Variants in NT5DC3 observed in about 807,000 individuals in gnomAD.
The protein encoded by NT5DC3 is 5'-nucleotidase domain-containing protein 3.
A neutral mutation model predicts 67.8 loss-of-function variants in NT5DC3; 42 were observed. That is an observed-to-expected ratio of 0.62 (90% CI 0.48 to 0.80). The LOEUF (loss-of-function observed/expected upper bound fraction) is 0.80. Ranked by LOEUF, NT5DC3 falls within the 30% of genes least tolerant of loss-of-function variation. NT5DC3 has a pLI of 0.00. For synonymous variants in NT5DC3, 237 were observed against 255.6 expected (o/e 0.93, Z 0.69); for missense variants, 570 against 696.4 (o/e 0.82, Z 2.04).
chr12:103,748,196 C>T, the NT5DC3 span, among the ~76,000 whole-genome samples: 4 of 152,178 alleles, frequency 2.6e-5, no homozygotes, highest in African/African-American at 9.7e-5. Flanking sequence ...AGTGAGTCAG[C>T]ATTCAACAAT....
chr12:103,800,507 G>A (rs1430625301), intron 4 of NT5DC3, among the ~76,000 whole-genome samples: 1 of 152,204 alleles, frequency 6.6e-6, no homozygotes, highest in Non-Finnish European at 1.5e-5. Flanking sequence ...CTGCCCTTTG[G>A]AAGCCACTGC....
At chr12:103,797,128 T>A in intron 5 of NT5DC3, 97 bp from the exon 6 acceptor site, 1 of 1,282,944 alleles carries the variant, frequency 7.8e-7, no homozygotes, top group Non-Finnish European at 1.1e-6. Context: ...TTTCCGTGAC[T>A]AAACGAGATC....
Position 103,823,224 on chromosome 12 carries a change from C to CAAA in NT5DC3, c.209-8106_209-8104dup, listed in dbSNP as rs60156543. On this transcript the variant is annotated intron_variant, in intron 1 of 13. Transcript: ENST00000392876. ...ATTTCCCGGAGAATTTTAGAAGTTACAAAAAAAAAAAAACAGAAAAAGCCT... is the reference window on the plus strand; with the variant it reads ...ATTTCCCGGAGAATTTTAGAAGTTACAAAAAAAAAAAAAAAACAGAAAAAGCCT... 4.5e-5 allele frequency among the ~76,000 whole-genome samples: 6 copies of CAAA among 134,210 alleles called. No individual in the cohort carries two copies. The East Asian group carries it at 8.4e-4, about 19-fold the overall frequency. 88.0% of individuals were successfully genotyped at this position (134,210 alleles called of 152,430 possible).
intron 4 of NT5DC3, among the ~76,000 whole-genome samples, chr12:103,799,790 C>G (rs1473206733): frequency 8.3e-6 from 1 of 121,022 alleles, no homozygotes; most frequent in Admixed American, 9.6e-5. Flanking sequence ...AATGAATCCA[C>G]CTCCTCCACA....
intron 10 of NT5DC3, among the ~76,000 whole-genome samples, chr12:103,787,908 G>T (rs967862568): frequency 6.6e-6 from 1 of 152,060 alleles, no homozygotes; most frequent in Non-Finnish European, 1.5e-5. Context: ...TAGCCAAGTT[G>T]TATTAGCTAT....
chr12:103,818,237 G>A (rs1327068843), intron 1 of NT5DC3, among the ~76,000 whole-genome samples: 1 of 152,138 alleles, frequency 6.6e-6, no homozygotes, highest in Non-Finnish European at 1.5e-5. Context: ...GAAGGCACAT[G>A]TATGAACCAA....
At chr12:103,783,803 A>AAAT (rs1593384525) in intron 12 of NT5DC3, among the ~76,000 whole-genome samples, 1 of 152,090 alleles carries the variant, frequency 6.6e-6, no homozygotes, top group Admixed American at 6.5e-5. Context: ...AAAAAAAAAA[A>AAAT]AAACCTCTTT....
the NT5DC3 span, chr12:103,758,102 C>G: frequency 1.2e-6 from 2 of 1,602,992 alleles, no homozygotes; most frequent in East Asian, 2.2e-5. Flanking sequence ...GCCCTGGGAC[C>G]TTCTTCAGCC....
Position 103,799,804 on chromosome 12 carries a change from C to CAAAAAAAAAA in NT5DC3, c.525-1137_525-1128dup, listed in dbSNP as rs72379630. Among the ~76,000 whole-genome samples the CAAAAAAAAAA allele has an allele frequency of 3.3e-4, 43 of 131,544 alleles. 1 individual carries two copies. Among genetic ancestry groups the CAAAAAAAAAA allele is most frequent in the Middle Eastern group, 4.0e-3 (1 of 252 alleles). The allele number at this position is 131,544 out of a possible 152,430, so 86.3% of individuals were successfully genotyped here. On this transcript the variant is annotated intron_variant, in intron 4 of 13. Coordinates refer to ENST00000392876, the MANE Select transcript of NT5DC3 (RefSeq NM_001031701.3). The stretch of plus-strand genomic sequence containing the variant: ...AAATGAATCCACCTCCTCCACATAC[C>CAAAAAAAAAA]AAAAAAAAAAAAAGATTTGTGAAGT...
Position 103,793,363 on chromosome 12 carries a change from T to C in NT5DC3, c.917+47A>G, listed in dbSNP as rs369807319. The C allele has an allele frequency of 9.1e-5, 143 of 1,565,474 alleles. 1 individual carries two copies. Among genetic ancestry groups the C allele is most frequent in the South Asian group, 8.1e-4 (73 of 90,060 alleles). ...TTTCCAGCTGCTAAAACAAATGGGA[T>C]ACAAGGAGTGTGCCAGAAGCTAGCA... On this transcript the variant is annotated intron_variant, in intron 8 of 13. Transcript: ENST00000392876.
At chr12:103,801,372 C>CCTTTTTTTTTTTTTTTTTTTTTTTTTTT in intron 4 of NT5DC3, among the ~76,000 whole-genome samples, 1 of 78,940 alleles carries the variant, frequency 1.3e-5, no homozygotes, top group African/African-American at 5.4e-5. Context: ...TTGGGGTGGG[C>CCTTTTTTTTTTTTTTTTTTTTTTTTTTT]TTTTTTTTTT....
At chr12:103,801,616 C>T (rs1431483044) in intron 4 of NT5DC3, among the ~76,000 whole-genome samples, 1 of 151,918 alleles carries the variant, frequency 6.6e-6, no homozygotes, top group East Asian at 1.9e-4. Flanking sequence ...CTCCTGACCT[C>T]GTGATCTACC....
intron 12 of NT5DC3, among the ~76,000 whole-genome samples, chr12:103,783,516 G>A (rs1381111679): frequency 3.9e-5 from 6 of 152,056 alleles, no homozygotes; most frequent in African/African-American, 9.7e-5. Context: ...TCCAGAACAC[G>A]GTAAGTTCTT....
At chr12:103,756,996 A>AATATATATATATATATAT in the NT5DC3 span, among the ~76,000 whole-genome samples, 41 of 56,280 alleles carry the variant, frequency 7.3e-4, no homozygotes, top group African/African-American at 3.0e-3. Flanking sequence ...AAGGAGGGAA[A>AATATATATATATATATAT]ATATATATAT....
chr12:103,794,094 G>T, intron 6 of NT5DC3, 97 bp from the exon 7 acceptor site: 3 of 900,284 alleles, frequency 3.3e-6, no homozygotes, highest in Non-Finnish European at 5.5e-6. Flanking sequence ...TCTGTCCCTA[G>T]AAAGTCTGAC....
chr12:103,820,699 A>T (rs1887456101), intron 1 of NT5DC3: 1 of 152,110 alleles, frequency 6.6e-6, no homozygotes, highest in African/African-American at 2.4e-5. Context: ...TTAATGTTTT[A>T]AAAAAATATG....
At chr12:103,839,267 C>T (rs1213750172) in intron 1 of NT5DC3, among the ~76,000 whole-genome samples, 1 of 152,144 alleles carries the variant, frequency 6.6e-6, no homozygotes, top group Non-Finnish European at 1.5e-5. Flanking sequence ...TTATTTTTTA[C>T]ACAGGGTCTG....
chr12:103,747,117 T>G, the NT5DC3 span, among the ~76,000 whole-genome samples: 1 of 152,064 alleles, frequency 6.6e-6, no homozygotes, highest in African/African-American at 2.4e-5. Flanking sequence ...CCACCGCACC[T>G]GGCTAACTTT....
chr12:103,762,430 A>G, the NT5DC3 span: 9,375 of 1,614,122 alleles, frequency 5.8e-3, 103 homozygotes, highest in Admixed American at 0.038. Context: ...GAACATGATG[A>G]TGGGGTCCTC....
Sources: gnomAD v4.1 joint callset for allele counts (sites outside exome capture counted in the v4.1 genomes callset) on GRCh38, gnomAD v4.1.1 for gene constraint, MANE v1.5 for transcripts, NCBI Gene and HGNC (gene_info 2026-07-23, HGNC 2026-07-21) for gene names.